The following B3GALT5 variants were observed in gnomAD, a reference collection of about 807,000 sequenced individuals.
B3GALT5 encodes the protein beta-1,3-galactosyltransferase 5.
For synonymous variants in B3GALT5, 156 were observed against 158.6 expected (o/e 0.98, Z 0.12); for missense variants, 328 against 396.6 (o/e 0.83, Z 1.47).
Position 39,668,908 on chromosome 21 carries a change from C to T in B3GALT5, c.*7416C>T, listed in dbSNP as rs961722258. On this transcript the variant is annotated 3_prime_UTR_variant, in exon 4 of 4. Transcript: ENST00000684187. Reference sequence around the variant, plus strand: ...GAGAGGATGAGTATAAACTGCTCAACATCCCATGGTAGGTGCTCAGTAAAT... The same window carrying T: ...GAGAGGATGAGTATAAACTGCTCAATATCCCATGGTAGGTGCTCAGTAAAT... The T allele has an allele frequency of 6.6e-6, 1 of 152,264 alleles. No homozygotes were observed. Among genetic ancestry groups the T allele is most frequent in the Non-Finnish European group, 1.5e-5 (1 of 68,064 alleles). 9.4% of individuals were successfully genotyped at this position (152,264 alleles called of 1,614,324 possible). A position where few individuals can be genotyped will look rare whatever the true frequency, so the allele number is the denominator to read the frequency against.
intron 1 of B3GALT5, 80 bp from the exon 2 acceptor site, chr21:39,646,312 T>C (rs2079339262): frequency 6.6e-6 from 1 of 152,202 alleles, no homozygotes; most frequent in Admixed American, 6.5e-5. Flanking sequence ...CAGATTCTCT[T>C]TCTTCTGAGG....
rs989416238 is a variant in B3GALT5 at position 39,669,137 on chromosome 21, A to T, written c.*7645A>T. 1 of 152,098 alleles carries T rather than the reference A, an allele frequency of 6.6e-6. No individual in the cohort carries two copies. Among genetic ancestry groups the T allele is most frequent in the Admixed American group, 6.6e-5 (1 of 15,264 alleles). 9.4% of individuals were successfully genotyped at this position (152,098 alleles called of 1,614,324 possible). On this transcript the variant is annotated 3_prime_UTR_variant, in exon 4 of 4. Coordinates refer to ENST00000684187, the MANE Select transcript of B3GALT5 (RefSeq NM_001356336.2). ...TGAATCTTTCCTGGAACTCTTGGAG[A>T]AGTTCTTCTGTTCGTGACATTCTTC...
chr21:39,620,133 A>T (rs1157558487), intron 1 of B3GALT5, among the ~76,000 whole-genome samples: 2 of 152,172 alleles, frequency 1.3e-5, no homozygotes, highest in East Asian at 3.9e-4. Flanking sequence ...TAATATTCCT[A>T]ATCTTCAGAC....
At chr21:39,641,903 C>G (rs1408907493) in intron 1 of B3GALT5, among the ~76,000 whole-genome samples, 1 of 152,188 alleles carries the variant, frequency 6.6e-6, no homozygotes, top group Non-Finnish European at 1.5e-5. Flanking sequence ...GTTCTAAACG[C>G]TATGCTTTGA....
intron 1 of B3GALT5, among the ~76,000 whole-genome samples, chr21:39,620,233 T>C (rs2079127376): frequency 6.6e-6 from 1 of 152,246 alleles, no homozygotes; most frequent in South Asian, 2.1e-4. Context: ...GTTTTCATGT[T>C]GCTTTATTCA....
At chr21:39,638,534 T>C (rs949992956) in intron 1 of B3GALT5, among the ~76,000 whole-genome samples, 2 of 152,152 alleles carry the variant, frequency 1.3e-5, no homozygotes, top group African/African-American at 4.8e-5. Flanking sequence ...GTTTCTTCCA[T>C]TCAATAAAAC....
At chr21:39,624,152 C>T (rs536892019) in intron 1 of B3GALT5, among the ~76,000 whole-genome samples, 3 of 152,298 alleles carry the variant, frequency 2.0e-5, no homozygotes, top group Non-Finnish European at 4.4e-5. Flanking sequence ...TTACCTTTCT[C>T]CAATCTGGGA....
chr21:39,618,577 G>C (rs930252072), intron 1 of B3GALT5, among the ~76,000 whole-genome samples: 3 of 152,108 alleles, frequency 2.0e-5, no homozygotes, highest in Admixed American at 6.5e-5. Flanking sequence ...ATGTATCTCA[G>C]CCATTTGGAT....
chr21:39,643,051 CA>C (rs34633544), intron 1 of B3GALT5, among the ~76,000 whole-genome samples: 72 of 142,422 alleles, frequency 5.1e-4, no homozygotes, highest in Non-Finnish European at 5.1e-4. Context: ...GAACTTGTCT[CA>C]AAAAAAAAAA....
At position 39,662,646 on chromosome 21, in the gene B3GALT5, T is replaced by G. The variant is rs2079540224; in HGVS notation, c.*1154T>G. 1 of 167,534 alleles carries G rather than the reference T, an allele frequency of 6.0e-6. No homozygotes were observed. Among genetic ancestry groups the G allele is most frequent in the Non-Finnish European group, 1.5e-5 (1 of 68,120 alleles). 10.4% of individuals were successfully genotyped at this position (167,534 alleles called of 1,614,324 possible). On this transcript the variant is annotated 3_prime_UTR_variant, in exon 4 of 4. Coordinates refer to ENST00000684187, the MANE Select transcript of B3GALT5 (RefSeq NM_001356336.2). ...AACTTTGTGGTTTGCTGTTTAGCCT[T>G]CAGTTTGCTCCGCTGCCTCCTACCC... is the stretch of plus-strand genomic sequence containing the variant.
intron 1 of B3GALT5, among the ~76,000 whole-genome samples, chr21:39,635,442 C>A (rs902441493): frequency 5.9e-5 from 9 of 152,098 alleles, no homozygotes; most frequent in Non-Finnish European, 1.3e-4. Context: ...GTTATTGTGT[C>A]TGTACTACTT....
At chr21:39,636,438 C>T (rs867256941) in intron 1 of B3GALT5, among the ~76,000 whole-genome samples, 3 of 152,048 alleles carry the variant, frequency 2.0e-5, no homozygotes, top group African/African-American at 7.2e-5. Flanking sequence ...GGAAGAGAAA[C>T]CCCGACGCCT....
At chr21:39,652,168 C>T (rs1043200687) in intron 2 of B3GALT5, among the ~76,000 whole-genome samples, 4 of 152,210 alleles carry the variant, frequency 2.6e-5, no homozygotes, top group African/African-American at 7.2e-5. Flanking sequence ...CTGCAGGTGC[C>T]AGCGGGCTCT....
intron 1 of B3GALT5, among the ~76,000 whole-genome samples, chr21:39,624,621 TGAGGTG>T (rs747425835): frequency 6.6e-6 from 1 of 152,188 alleles, no homozygotes; most frequent in Non-Finnish European, 1.5e-5. Context: ...CTGGTTTTAC[TGAGGTG>T]GAGGTGCTGA....
chr21:39,646,175 G>T (rs1454518581), intron 1 of B3GALT5, among the ~76,000 whole-genome samples: 21 of 152,002 alleles, frequency 1.4e-4, no homozygotes, highest in Non-Finnish European at 2.8e-4. Context: ...CCGGAAGCTG[G>T]TGCCCCGGAC....
At position 39,669,465 on chromosome 21, in the gene B3GALT5, G is replaced by C. The variant is rs2079608228; in HGVS notation, c.*7973G>C. 2 of 152,210 alleles carry C rather than the reference G, an allele frequency of 1.3e-5. No individual in the cohort carries two copies. Among genetic ancestry groups the C allele is most frequent in the South Asian group, 4.2e-4 (2 of 4,812 alleles). 9.4% of individuals were successfully genotyped at this position (152,210 alleles called of 1,614,324 possible). ...GCTTTGACCGGGCATCCTGAATGAG[G>C]GTCAAGCTGAGGTTCGAGGCCGTGG... On this transcript the variant is annotated 3_prime_UTR_variant, in exon 4 of 4. Transcript: ENST00000684187.
At chr21:39,618,179 T>C (rs1038463027) in intron 1 of B3GALT5, among the ~76,000 whole-genome samples, 1 of 152,084 alleles carries the variant, frequency 6.6e-6, no homozygotes, top group Admixed American at 6.5e-5. Context: ...ATTGTAGGAT[T>C]GTACTACAAT....
intron 1 of B3GALT5, among the ~76,000 whole-genome samples, chr21:39,645,871 G>C (rs1467142579): frequency 6.6e-6 from 1 of 151,716 alleles, no homozygotes; most frequent in Non-Finnish European, 1.5e-5. Context: ...TAGTATAATA[G>C]TTTTTACTCT....
chr21:39,614,691 A>G (rs1479698674), intron 1 of B3GALT5, among the ~76,000 whole-genome samples: 1 of 152,208 alleles, frequency 6.6e-6, no homozygotes, highest in African/African-American at 2.4e-5. Flanking sequence ...GTCCCTGGAC[A>G]GCTACAGATT....
Sources: gnomAD v4.1 joint callset for allele counts (sites outside exome capture counted in the v4.1 genomes callset) on GRCh38, gnomAD v4.1.1 for gene constraint, MANE v1.5 for transcripts, NCBI Gene and HGNC (gene_info 2026-07-23, HGNC 2026-07-21) for gene names.